The following CACNA2D2 variants were observed in gnomAD, a reference collection of about 807,000 sequenced individuals.
CACNA2D2 encodes voltage-dependent calcium channel subunit alpha-2/delta-2.
A neutral mutation model predicts 166.4 loss-of-function variants in CACNA2D2; 48 were observed. The observed-to-expected ratio is 0.29, with a 90% CI of 0.23 to 0.37. The LOEUF (loss-of-function observed/expected upper bound fraction) is 0.37. Ranked by LOEUF, CACNA2D2 falls within the 10% of genes least tolerant of loss-of-function variation. The pLI is 1.00. For missense variants in CACNA2D2, 1,122 were observed against 1,433.0 expected (o/e 0.78, Z 3.50); for synonymous variants, 561 against 573.7 (o/e 0.98, Z 0.32).
chr3:50,390,635 C>A (rs587627060), intron 4 of CACNA2D2, among the ~76,000 whole-genome samples: 1 of 152,242 alleles, frequency 6.6e-6, no homozygotes, highest in East Asian at 1.9e-4. Context: ...GGGGAGTCAC[C>A]CACTCTGAGC....
At chr3:50,441,189 G>A (rs866932653) in intron 2 of CACNA2D2, among the ~76,000 whole-genome samples, 20 of 151,980 alleles carry the variant, frequency 1.3e-4, no homozygotes, top group African/African-American at 4.6e-4. Flanking sequence ...GCGGCTCTGT[G>A]GTCCCTCGTC....
intron 1 of CACNA2D2, among the ~76,000 whole-genome samples, chr3:50,485,445 G>A (rs776532433): frequency 2.0e-5 from 3 of 152,374 alleles, no homozygotes; most frequent in African/African-American, 4.8e-5. Context: ...ACCCTAATAT[G>A]TAACTGGTGA....
chr3:50,501,220 T>C (rs909793874), intron 1 of CACNA2D2, among the ~76,000 whole-genome samples: 31 of 152,152 alleles, frequency 2.0e-4, no homozygotes, highest in African/African-American at 7.0e-4. Context: ...CCAATTCCAC[T>C]GGCCATGGTC....
intron 2 of CACNA2D2, among the ~76,000 whole-genome samples, chr3:50,448,573 A>G (rs1708963096): frequency 6.6e-6 from 1 of 152,146 alleles, no homozygotes; most frequent in Non-Finnish European, 1.5e-5. Flanking sequence ...CCTGGTGTGT[A>G]TATGCCCAGG....
Position 50,364,936 on chromosome 3 carries a change from T to A in CACNA2D2, c.3243A>T (p.Arg1081Ser), listed in dbSNP as rs375491655. The A allele has an allele frequency of 8.7e-6, 14 of 1,613,082 alleles. No individual in the cohort carries two copies. Among genetic ancestry groups the A allele is most frequent in the Non-Finnish European group, 1.2e-5 (14 of 1,179,852 alleles). Reference sequence around the variant, plus strand: ...TGTGCGGGCCTCTCCGGTATCGCGGTCTCTGCACTAGCTCACACTGCTCCG... The same window carrying A: ...TGTGCGGGCCTCTCCGGTATCGCGGACTCTGCACTAGCTCACACTGCTCCG... ...DGPEQCELVQ[R>S]PRYRRGPHIC... Residue 1081 changes from arginine (R) to serine (S), a missense_variant, in exon 37 of 38, where the codon AGA becomes AGT. Physicochemically the swap from Arg to Ser is moderately radical, Grantham distance 110. This residue lies in a region of CACNA2D2 where 282 missense variants were observed against 266.2 expected (regional missense o/e 1.06). Coordinates refer to ENST00000424201, the MANE Select transcript of CACNA2D2 (RefSeq NM_006030.4).
intron 1 of CACNA2D2, among the ~76,000 whole-genome samples, chr3:50,501,676 A>G (rs1447034493): frequency 1.3e-5 from 2 of 151,860 alleles, no homozygotes; most frequent in Non-Finnish European, 2.9e-5. Context: ...TTAAACCTTC[A>G]CTCAAGGAGC....
chr3:50,411,998 C>T (rs932695324), intron 3 of CACNA2D2, among the ~76,000 whole-genome samples: 8 of 152,348 alleles, frequency 5.3e-5, no homozygotes, highest in Admixed American at 1.3e-4. Context: ...TGGCAAGCCA[C>T]GCTGGGCTTC....
rs1214255160 is a variant in CACNA2D2, at chr3:50,489,953, A to G, written c.206+13265T>C. Among the ~76,000 whole-genome samples the G allele has an allele frequency of 2.0e-5, 3 of 152,320 alleles. No homozygotes were observed. The East Asian group carries it at 5.8e-4, about 29-fold the overall frequency. On this transcript the variant is annotated intron_variant, in intron 1 of 37. Transcript: ENST00000424201. ...TCCCCCATGGACTGAGTGTCCCAAG[A>G]GCAGGGACCCAGTTGGCCCTTGGAG...
At chr3:50,394,220 A>G (rs1470689643) in intron 3 of CACNA2D2, 52 bp from the exon 4 acceptor site, 2 of 1,479,788 alleles carry the variant, frequency 1.4e-6, no homozygotes, top group African/African-American at 1.4e-5. Context: ...AGCCTGCCCT[A>G]TGCCCACCCC....
At chr3:50,420,632 G>C (rs1370574571) in intron 3 of CACNA2D2, among the ~76,000 whole-genome samples, 1 of 152,146 alleles carries the variant, frequency 6.6e-6, no homozygotes, top group Non-Finnish European at 1.5e-5. Context: ...GAGTGGGAGG[G>C]TGTGGGGGCT....
intron 3 of CACNA2D2, among the ~76,000 whole-genome samples, chr3:50,409,984 G>A (rs565825870): frequency 2.0e-4 from 31 of 152,318 alleles, no homozygotes; most frequent in African/African-American, 5.3e-4. Context: ...GAGGCCAGAG[G>A]AGGCAGGAGG....
intron 1 of CACNA2D2, among the ~76,000 whole-genome samples, chr3:50,492,017 T>C (rs2107160912): frequency 6.6e-6 from 1 of 152,318 alleles, no homozygotes; most frequent in African/African-American, 2.4e-5. Flanking sequence ...TATTCACCAT[T>C]GGGTGCTGAC....
At chr3:50,471,521 C>G (rs1710093951) in intron 2 of CACNA2D2, among the ~76,000 whole-genome samples, 1 of 152,220 alleles carries the variant, frequency 6.6e-6, no homozygotes, top group African/African-American at 2.4e-5. Flanking sequence ...GCTAATCCCA[C>G]TCTGGATGCC....
At chr3:50,471,674 G>A (rs917287696) in intron 2 of CACNA2D2, among the ~76,000 whole-genome samples, 2 of 152,176 alleles carry the variant, frequency 1.3e-5, no homozygotes, top group African/African-American at 4.8e-5. Flanking sequence ...AAGGGGACAG[G>A]GGGAGGCCTG....
At chr3:50,384,973 T>C (rs1053635463) in intron 5 of CACNA2D2, among the ~76,000 whole-genome samples, 1 of 152,178 alleles carries the variant, frequency 6.6e-6, no homozygotes, top group African/African-American at 2.4e-5. Context: ...CTGCGGTGCC[T>C]GGTAGCAGTA....
At chr3:50,479,173 CCTT>C (rs1180993526) in intron 1 of CACNA2D2, among the ~76,000 whole-genome samples, 3 of 152,326 alleles carry the variant, frequency 2.0e-5, no homozygotes, top group East Asian at 3.9e-4. Flanking sequence ...CTCCCTCCCT[CCTT>C]GTCTCTCTCT....
At chr3:50,386,812 TG>T (rs977647113) in intron 5 of CACNA2D2, among the ~76,000 whole-genome samples, 4 of 152,224 alleles carry the variant, frequency 2.6e-5, no homozygotes, top group African/African-American at 9.6e-5. Flanking sequence ...AGGGGACTGT[TG>T]GGTCCAACTA....
At chr3:50,479,116 A>G (rs1245513071) in intron 1 of CACNA2D2, among the ~76,000 whole-genome samples, 2 of 152,236 alleles carry the variant, frequency 1.3e-5, no homozygotes, top group African/African-American at 4.8e-5. Context: ...AGAAGAGCCA[A>G]GTCTTAGGAT....
intron 22 of CACNA2D2, chr3:50,373,173 G>A: frequency 1.9e-5 from 17 of 889,902 alleles, no homozygotes; most frequent in Admixed American, 6.8e-5. Flanking sequence ...AAAGGGGAGG[G>A]GCACAAACAA....
Sources: allele counts gnomAD v4.1 joint callset (sites outside exome capture counted in the v4.1 genomes callset), GRCh38; gene constraint gnomAD v4.1.1; regional missense constraint gnomAD v4.1.1; transcripts MANE v1.5; gene names NCBI Gene and HGNC (gene_info 2026-07-23, HGNC 2026-07-21).